Variants in SAMD3 observed in about 807,000 individuals in gnomAD.
SAMD3 encodes sterile alpha motif domain-containing protein 3.
Under a neutral mutation model 58.5 loss-of-function variants are expected in SAMD3, and 63 were observed. That is an observed-to-expected ratio of 1.08 (90% CI 0.88 to 1.33). The LOEUF (loss-of-function observed/expected upper bound fraction) is 1.33, where lower values mean the gene tolerates loss of function less well. Ranked by LOEUF, SAMD3 falls within the 40% of genes most tolerant of loss-of-function variation. The pLI is 0.00. For synonymous variants in SAMD3, 220 were observed against 210.3 expected, an observed-to-expected ratio of 1.05 and a Z score of -0.40; for missense variants, 604 against 608.4, an observed-to-expected ratio of 0.99 and a Z score of 0.08.
chr6:130,235,745 G>C (rs1034026583), intron 2 of SAMD3, among the ~76,000 whole-genome samples: 5 of 151,832 alleles, frequency 3.3e-5, no homozygotes, highest in African/African-American at 1.2e-4. Context: ...ATAATATATG[G>C]TTTTATGTTC....
intron 2 of SAMD3, among the ~76,000 whole-genome samples, chr6:130,273,835 A>T (rs1774672221): frequency 6.6e-6 from 1 of 152,094 alleles, no homozygotes; most frequent in Non-Finnish European, 1.5e-5. Context: ...CAAAATTTGT[A>T]TCTGTTTATA....
intron 1 of SAMD3, among the ~76,000 whole-genome samples, chr6:130,332,061 T>C (rs1776950315): frequency 6.6e-6 from 1 of 152,196 alleles, no homozygotes; most frequent in Non-Finnish European, 1.5e-5. Context: ...TGGCAGTAGA[T>C]AAAACAAAAT....
intron 1 of SAMD3, among the ~76,000 whole-genome samples, chr6:130,341,101 G>C (rs572099829): frequency 6.6e-6 from 1 of 151,834 alleles, no homozygotes; most frequent in South Asian, 2.1e-4. Flanking sequence ...CAGTGTTACT[G>C]TTTGTGTATT....
At chr6:130,244,195 CAA>C (rs1773456752) in intron 2 of SAMD3, among the ~76,000 whole-genome samples, 1 of 152,244 alleles carries the variant, frequency 6.6e-6, no homozygotes, top group African/African-American at 2.4e-5. Flanking sequence ...ATGCCTGTGA[CAA>C]AGACAGATAA....
chr6:130,309,475 GTTGT>G (rs1776066196), intron 2 of SAMD3, among the ~76,000 whole-genome samples: 1 of 152,138 alleles, frequency 6.6e-6, no homozygotes, highest in South Asian at 2.1e-4. Context: ...ATCCATTATT[GTTGT>G]TGCTTTTAAG....
intron 1 of SAMD3, among the ~76,000 whole-genome samples, chr6:130,349,263 C>G (rs926926934): frequency 6.6e-6 from 1 of 151,994 alleles, no homozygotes; most frequent in Non-Finnish European, 1.5e-5. Flanking sequence ...ACACAAAAAA[C>G]CCTTCAAAAA....
chr6:130,220,514 C>T (rs1796176897), intron 1 of SAMD3, among the ~76,000 whole-genome samples: 1 of 152,150 alleles, frequency 6.6e-6, no homozygotes, highest in Non-Finnish European at 1.5e-5. Flanking sequence ...AGATTACAGT[C>T]CTGCCAGAGA....
rs191482192 is a variant in SAMD3 at position 130,250,001 on chromosome 6, A to G, written c.-187-27188T>C. On this transcript the variant is annotated intron_variant, in intron 2 of 13. Coordinates refer to the SAMD3 transcript ENST00000368134. ...AGCATCCAACCCTGATCAATCACAG[A>G]GTTTGATGCTAAACAACACGGTGCT... Among the ~76,000 whole-genome samples, 910 of 152,290 alleles carry G rather than the reference A, an allele frequency of 6.0e-3. 11 individuals are homozygous for G. Among genetic ancestry groups the G allele is most frequent in the African/African-American group, 0.021 (865 of 41,566 alleles).
chr6:130,352,241 A>G (rs1325505356), intron 1 of SAMD3, among the ~76,000 whole-genome samples: 2 of 152,122 alleles, frequency 1.3e-5, no homozygotes, highest in East Asian at 3.8e-4. Context: ...AAAAATTAAT[A>G]TGGTTGTTTT....
intron 1 of SAMD3, among the ~76,000 whole-genome samples, chr6:130,349,624 C>G (rs545268914): frequency 2.6e-5 from 4 of 152,130 alleles, no homozygotes; most frequent in African/African-American, 9.7e-5. Context: ...GATTCACAGC[C>G]AAATTCTACC....
intron 2 of SAMD3, among the ~76,000 whole-genome samples, chr6:130,247,727 T>A (rs1390134913): frequency 6.6e-6 from 1 of 152,194 alleles, no homozygotes; most frequent in Non-Finnish European, 1.5e-5. Flanking sequence ...AGGATAATCA[T>A]ATAGTTGATG....
intron 2 of SAMD3, among the ~76,000 whole-genome samples, chr6:130,282,179 G>C (rs955181262): frequency 6.6e-6 from 1 of 151,974 alleles, no homozygotes; most frequent in South Asian, 2.1e-4. Context: ...GAGATGGGGG[G>C]TAGAGAGAGA....
At chr6:130,247,332 T>A (rs1037808275) in intron 2 of SAMD3, among the ~76,000 whole-genome samples, 3 of 152,042 alleles carry the variant, frequency 2.0e-5, no homozygotes, top group Non-Finnish European at 4.4e-5. Context: ...TAGCGAAGTA[T>A]GGTGCACACC....
intron 1 of SAMD3, among the ~76,000 whole-genome samples, chr6:130,325,478 C>A (rs2115006129): frequency 6.6e-6 from 1 of 152,248 alleles, no homozygotes; most frequent in East Asian, 1.9e-4. Context: ...TTGGATGATG[C>A]CCACCCACAC....
intron 1 of SAMD3, among the ~76,000 whole-genome samples, chr6:130,218,857 G>C (rs1352590557): frequency 6.6e-6 from 1 of 152,136 alleles, no homozygotes; most frequent in African/African-American, 2.4e-5. Context: ...GGAGGACCGT[G>C]CTGCTTGGAA....
intron 5 of SAMD3, among the ~76,000 whole-genome samples, chr6:130,186,846 C>T (rs977291584): frequency 6.7e-6 from 1 of 149,118 alleles, no homozygotes; most frequent in Non-Finnish European, 1.5e-5. Flanking sequence ...TCTCGGCTCA[C>T]TGCAACCTCC....
At chr6:130,351,707 T>C (rs924622043) in intron 1 of SAMD3, among the ~76,000 whole-genome samples, 2 of 152,188 alleles carry the variant, frequency 1.3e-5, no homozygotes, top group Non-Finnish European at 2.9e-5. Flanking sequence ...CCCATCCCAT[T>C]ACTGGGTATA....
At chr6:130,150,102 TGTGTGTGTGTGCGCGC>T (rs370711832) in intron 9 of SAMD3, among the ~76,000 whole-genome samples, 43 of 146,028 alleles carry the variant, frequency 2.9e-4, no homozygotes, top group African/African-American at 1.1e-3. Context: ...TTGGTTCATG[TGTGTGTGTGTGCGCGC>T]GTGTGTGTGT....
intron 4 of SAMD3, among the ~76,000 whole-genome samples, chr6:130,212,302 G>A (rs7762463): frequency 0.21 from 32,305 of 152,044 alleles, 4,227 homozygotes; most frequent in East Asian, 0.44. Context: ...ACATGCAATT[G>A]TAATTCTGCA....
Sources: gnomAD v4.1 joint callset for allele counts (sites outside exome capture counted in the v4.1 genomes callset) on GRCh38, gnomAD v4.1.1 for gene constraint, MANE v1.5 for transcripts, NCBI Gene and HGNC (gene_info 2026-07-23, HGNC 2026-07-21) for gene names.